Variants in ZC3H6 observed in about 807,000 individuals in gnomAD.
ZC3H6 encodes the protein zinc finger CCCH-type containing 6, also known as zinc finger CCCH domain-containing protein 6.
In ZC3H6, 40 loss-of-function variants were observed where a neutral mutation model predicts 107.7. The ratio of observed to expected loss-of-function variants is 0.37; its 90% CI spans 0.29 to 0.48. The LOEUF (loss-of-function observed/expected upper bound fraction) is 0.48, where lower values mean the gene tolerates loss of function less well. Ranked by LOEUF, ZC3H6 falls within the 20% of genes least tolerant of loss-of-function variation. The probability of loss-of-function intolerance (pLI) is 0.98; values close to 1 mark genes in which losing one functional copy is unlikely to be tolerated. For synonymous variants in ZC3H6, 493 were observed against 487.9 expected (o/e 1.01, Z -0.14); for missense variants, 1,267 against 1,410.4 (o/e 0.90, Z 1.63).
At chr2:112,277,796 C>CT (rs894376775) in intron 1 of ZC3H6, among the ~76,000 whole-genome samples, 8 of 150,114 alleles carry the variant, frequency 5.3e-5, no homozygotes, top group East Asian at 1.9e-4. Flanking sequence ...TTTTTTCATG[C>CT]TTTTTTTGTC....
intron 3 of ZC3H6, among the ~76,000 whole-genome samples, chr2:112,304,589 A>G (rs1187659857): frequency 6.6e-6 from 1 of 152,154 alleles, no homozygotes; most frequent in Non-Finnish European, 1.5e-5. Context: ...GTCAAACTGG[A>G]TTAGAGCCCA....
chr2:112,300,635 G>T (rs1676354663), intron 2 of ZC3H6, among the ~76,000 whole-genome samples: 1 of 152,186 alleles, frequency 6.6e-6, no homozygotes, highest in Non-Finnish European at 1.5e-5. Flanking sequence ...CATTGGCATT[G>T]TCCATCTATT....
chr2:112,320,210 G>A (rs1368730799), intron 7 of ZC3H6, among the ~76,000 whole-genome samples: 1 of 152,214 alleles, frequency 6.6e-6, no homozygotes, highest in Non-Finnish European at 1.5e-5. Context: ...TGGGATTATA[G>A]GCGTGAGCCA....
At chr2:112,280,114 A>G (rs958004100) in intron 1 of ZC3H6, among the ~76,000 whole-genome samples, 22 of 106,930 alleles carry the variant, frequency 2.1e-4, no homozygotes, top group African/African-American at 1.1e-3. Context: ...ATCATTTTCA[A>G]TTTTCCTTCC....
chr2:112,278,677 A>T (rs929309915), intron 1 of ZC3H6, among the ~76,000 whole-genome samples: 3 of 152,264 alleles, frequency 2.0e-5, no homozygotes, highest in African/African-American at 7.2e-5. Flanking sequence ...TGCAGGAAAA[A>T]AAATGAAGCC....
At chr2:112,299,771 T>C (rs1033233263) in intron 1 of ZC3H6, 78 bp from the exon 2 acceptor site, 2 of 1,159,074 alleles carry the variant, frequency 1.7e-6, no homozygotes, top group African/African-American at 3.2e-5. Context: ...CCTTGGCATA[T>C]GCTTTTTTTC....
chr2:112,324,439 C>T lies in ZC3H6; in HGVS notation c.1628C>T (p.Thr543Ile), dbSNP rs757277322. ...CTTGTTCAACCAGACACATCTTTGACACCACCAAGTATGGGTGGGGCTTAC... is the reference window on the plus strand; with the variant it reads ...CTTGTTCAACCAGACACATCTTTGATACCACCAAGTATGGGTGGGGCTTAC... ...GVLVQPDTSL[T>I]PPSMGGAYHS... The change falls in exon 10 of 12, where the codon ACA becomes ATA. Residue 543 changes from threonine to isoleucine, a missense_variant. By Grantham distance (89) the Thr-to-Ile change is moderately conservative. Transcript: ENST00000409871. The T allele has an allele frequency of 1.6e-5, 26 of 1,614,010 alleles. No individual in the cohort carries two copies. Among genetic ancestry groups the T allele is most frequent in the Non-Finnish European group, 2.2e-5 (26 of 1,179,882 alleles).
intron 1 of ZC3H6, among the ~76,000 whole-genome samples, chr2:112,282,860 G>A (rs985341135): frequency 1.3e-5 from 2 of 152,168 alleles, no homozygotes; most frequent in African/African-American, 4.8e-5. Context: ...TCAGCTCCAT[G>A]ATATACTTGT....
intron 5 of ZC3H6, among the ~76,000 whole-genome samples, chr2:112,314,771 T>C (rs1246642438): frequency 1.3e-5 from 2 of 152,212 alleles, no homozygotes; most frequent in African/African-American, 4.8e-5. Context: ...TAAAAATGTT[T>C]GTGAATCAAA....
chr2:112,281,321 G>A (rs1447414533), intron 1 of ZC3H6, among the ~76,000 whole-genome samples: 1 of 152,184 alleles, frequency 6.6e-6, no homozygotes, highest in East Asian at 1.9e-4. Context: ...CCAGGAATGA[G>A]CCTGGTATGA....
intron 1 of ZC3H6, among the ~76,000 whole-genome samples, chr2:112,285,359 A>G (rs1558945279): frequency 6.9e-6 from 1 of 144,754 alleles, no homozygotes; most frequent in East Asian, 2.0e-4. Flanking sequence ...TACTGAGTAA[A>G]TTTTTTTTTT....
chr2:112,299,193 C>T (rs974246632), intron 1 of ZC3H6, among the ~76,000 whole-genome samples: 13 of 150,972 alleles, frequency 8.6e-5, no homozygotes, highest in East Asian at 7.8e-4. Context: ...AGTAGAATGG[C>T]GTGAACCCGG....
At position 112,304,609 on chromosome 2, in the gene ZC3H6, C is replaced by T. The variant is rs572963118; in HGVS notation, c.336+1258C>T. On this transcript the variant is annotated intron_variant, in intron 3 of 11. Transcript: ENST00000409871. ...ACTGGATTAGAGCCCACTTTAACAG[C>T]CTCATTCTAATTTAGTCACCTCTTT... Among the ~76,000 whole-genome samples the T allele has an allele frequency of 1.1e-3, 162 of 152,272 alleles. 2 individuals carry two copies. Among genetic ancestry groups the T allele is most frequent in the African/African-American group, 3.7e-3 (155 of 41,562 alleles).
chr2:112,303,523 T>A, intron 3 of ZC3H6, 172 bp downstream of exon 3: 1 of 522,898 alleles, frequency 1.9e-6, no homozygotes, highest in Non-Finnish European at 3.3e-6. Flanking sequence ...ACTCAGCACC[T>A]ATTAAGCAAT....
intron 11 of ZC3H6, among the ~76,000 whole-genome samples, chr2:112,329,199 T>TA (rs1457484748): frequency 6.6e-6 from 1 of 152,188 alleles, no homozygotes; most frequent in Non-Finnish European, 1.5e-5. Flanking sequence ...TATCATTTTT[T>TA]ATCTAATATC....
rs982063512 is a variant in ZC3H6, at chr2:112,321,800, C to T, written c.1021C>T (p.Gln341Ter). The change falls in exon 8 of 12, where the codon CAG becomes TAG. Residue 341 changes from glutamine to a stop codon, truncating the protein, a stop_gained. Coordinates refer to ENST00000409871, the MANE Select transcript of ZC3H6 (RefSeq NM_198581.3). LOFTEE classifies it high-confidence loss of function. The part of the protein sequence containing the change: ...KFYHSGAKCY[Q>*]GDNCKFSHDD... ...CTATCATAGTGGAGCAAAATGTTAC[C>T]AGGGAGACAACTGTAAATTTTCCCA... 6.5e-7 allele frequency: 1 copy of T among 1,547,782 alleles called. No homozygotes were observed.
At chr2:112,321,187 A>G (rs1159589438) in intron 7 of ZC3H6, among the ~76,000 whole-genome samples, 3 of 151,984 alleles carry the variant, frequency 2.0e-5, no homozygotes, top group Non-Finnish European at 4.4e-5. Context: ...CCAAAATCCT[A>G]AGATTAGTCT....
chr2:112,317,201 T>C lies in ZC3H6; in HGVS notation c.865-20T>C. 1.6e-6 allele frequency: 2 copies of C among 1,228,542 alleles called. No individual in the cohort carries two copies. The highest frequency in any genetic ancestry group is 2.2e-6 in the Non-Finnish European group (2 of 922,842). 76.1% of individuals were successfully genotyped at this position (1,228,542 alleles called of 1,614,324 possible). ...TTCTTACCTTTTTTTCTTTTTTCTT[T>C]TTTTTTTTTTTGTGAATAGGGAGAT... is the stretch of plus-strand genomic sequence containing the variant. On this transcript the variant is annotated intron_variant, in intron 6 of 11. Coordinates refer to ENST00000409871, the MANE Select transcript of ZC3H6 (RefSeq NM_198581.3).
At position 112,275,927 on chromosome 2, in the gene ZC3H6, T is replaced by C. The variant is rs1180741521; in HGVS notation, c.-68T>C. On this transcript the variant is annotated 5_prime_UTR_variant, in exon 1 of 12. Coordinates refer to ENST00000409871, the MANE Select transcript of ZC3H6 (RefSeq NM_198581.3). ...GTTCCCGCAGGCGGCGCGGGGGGTC[T>C]TCCCCGCGCCCCGCCGCCGCCGGCC... 2.1e-6 allele frequency: 3 copies of C among 1,426,024 alleles called. No individual in the cohort carries two copies. Among genetic ancestry groups the C allele is most frequent in the Non-Finnish European group, 1.9e-6 (2 of 1,066,850 alleles). 88.3% of individuals were successfully genotyped at this position (1,426,024 alleles called of 1,614,324 possible). A position where few individuals can be genotyped will look rare whatever the true frequency, so the allele number is the denominator to read the frequency against.
Sources: gnomAD v4.1 joint callset for allele counts (sites outside exome capture counted in the v4.1 genomes callset) on GRCh38, gnomAD v4.1.1 for gene constraint, MANE v1.5 for transcripts, NCBI Gene and HGNC (gene_info 2026-07-23, HGNC 2026-07-21) for gene names.